DSCAM: variants seen among roughly 807,000 people sequenced by gnomAD.
DSCAM encodes the protein DS cell adhesion molecule.
Under a neutral mutation model 217.7 loss-of-function variants are expected in DSCAM, and 47 were observed. The observed-to-expected ratio is 0.22, with a 90% CI of 0.17 to 0.28. DSCAM has a LOEUF of 0.28. Among genes scored for constraint, DSCAM ranks in the 10% least tolerant of loss-of-function variants. The probability of loss-of-function intolerance (pLI) is 1.00; values close to 1 mark genes in which losing one functional copy is unlikely to be tolerated. For synonymous variants in DSCAM, 1,056 were observed against 1,015.3 expected, an observed-to-expected ratio of 1.04 and a Z score of -0.76; for missense variants, 2,080 against 2,618.3, an observed-to-expected ratio of 0.79 and a Z score of 4.49.
rs1196692110 is a variant in DSCAM at position 40,620,343 on chromosome 21, A to AAGAGAG, written c.508+72466_508+72467insCTCTCT. On this transcript the variant is annotated intron_variant, in intron 3 of 32. Transcript: ENST00000400454. ...GAGAGAGAAAAAAGAAAAAGAAAGAAAGAGAAAGAGAGAGAAAAAAGAAAA... is the reference window on the plus strand; with the variant it reads ...GAGAGAGAAAAAAGAAAAAGAAAGAAAGAGAGAGAGAAAGAGAGAGAAAAAAGAAAA... 5.9e-3 allele frequency among the ~76,000 whole-genome samples: 796 copies of AAGAGAG among 134,968 alleles called. 193 individuals are homozygous for AAGAGAG. The highest frequency in any genetic ancestry group is 8.1e-3 in the Non-Finnish European group (510 of 62,958). 88.5% of individuals were successfully genotyped at this position (134,968 alleles called of 152,430 possible). A position where few individuals can be genotyped will look rare whatever the true frequency, so the allele number is the denominator to read the frequency against.
At chr21:40,800,153 A>C (rs1259501359) in intron 1 of DSCAM, among the ~76,000 whole-genome samples, 1 of 152,238 alleles carries the variant, frequency 6.6e-6, no homozygotes, top group African/African-American at 2.4e-5. Context: ...GTCCCTCACT[A>C]GCAAAAGGAC....
intron 25 of DSCAM, 43 bp downstream of exon 25, chr21:40,080,109 G>A (rs773588153): frequency 7.9e-7 from 1 of 1,262,884 alleles, no homozygotes. Context: ...CTTCTGGCCG[G>A]GAAAAGAAAG....
At chr21:40,266,639 A>ATATATATATATATATATATT (rs1467774499) in intron 11 of DSCAM, among the ~76,000 whole-genome samples, 11 of 108,724 alleles carry the variant, frequency 1.0e-4, no homozygotes, top group African/African-American at 4.6e-4. Flanking sequence ...GATGTTTTAT[A>ATATATATATATATATATATT]TATATATATA....
At chr21:40,656,034 A>G (rs1298794140) in intron 3 of DSCAM, among the ~76,000 whole-genome samples, 4 of 152,104 alleles carry the variant, frequency 2.6e-5, no homozygotes, top group Non-Finnish European at 5.9e-5. Flanking sequence ...CTTGGGTGAC[A>G]GAGTGAGACA....
intron 8 of DSCAM, among the ~76,000 whole-genome samples, chr21:40,331,955 G>C (rs2074382151): frequency 1.3e-5 from 2 of 152,040 alleles, no homozygotes; most frequent in African/African-American, 4.8e-5. Flanking sequence ...AGCCAGAATG[G>C]TGATCCACAG....
chr21:40,355,766 G>A (rs956312427), intron 4 of DSCAM, among the ~76,000 whole-genome samples: 1 of 152,174 alleles, frequency 6.6e-6, no homozygotes, highest in Non-Finnish European at 1.5e-5. Flanking sequence ...CCAAGGAATG[G>A]ATATTCACTG....
intron 3 of DSCAM, among the ~76,000 whole-genome samples, chr21:40,604,498 T>C (rs541889142): frequency 2.0e-5 from 3 of 152,354 alleles, no homozygotes; most frequent in African/African-American, 4.8e-5. Flanking sequence ...CATTATTTGT[T>C]GAGAGTCAGA....
At chr21:40,541,413 A>G (rs1407829642) in intron 3 of DSCAM, among the ~76,000 whole-genome samples, 1 of 152,024 alleles carries the variant, frequency 6.6e-6, no homozygotes, top group Non-Finnish European at 1.5e-5. Context: ...ACGAGAATAA[A>G]CAGCAAAGCT....
intron 11 of DSCAM, among the ~76,000 whole-genome samples, chr21:40,269,959 T>G (rs887481097): frequency 4.6e-5 from 7 of 152,202 alleles, no homozygotes; most frequent in African/African-American, 1.7e-4. Context: ...AATTCAATTT[T>G]TAGCACAGAG....
chr21:40,697,257 T>G (rs1343940336), intron 2 of DSCAM, among the ~76,000 whole-genome samples: 1 of 152,242 alleles, frequency 6.6e-6, no homozygotes, highest in Non-Finnish European at 1.5e-5. Context: ...TTGCAAATAT[T>G]AATAGTCTCC....
intron 29 of DSCAM, among the ~76,000 whole-genome samples, chr21:40,055,066 T>C (rs967853016): frequency 5.9e-5 from 9 of 152,102 alleles, no homozygotes; most frequent in Admixed American, 4.6e-4. Context: ...TGTGGGGTAA[T>C]GGACTTCAGG....
chr21:40,397,124 G>A (rs2073875750), intron 3 of DSCAM, among the ~76,000 whole-genome samples: 1 of 152,132 alleles, frequency 6.6e-6, no homozygotes, highest in Admixed American at 6.5e-5. Flanking sequence ...ATTTGAGACT[G>A]ATCTTCTATC....
chr21:40,214,694 G>A (rs1318963648), intron 11 of DSCAM, among the ~76,000 whole-genome samples: 5 of 127,114 alleles, frequency 3.9e-5, no homozygotes, highest in African/African-American at 6.0e-5. Flanking sequence ...AAGGAGTAGC[G>A]ATTCTGATAT....
At chr21:40,633,053 C>A (rs1378859266) in intron 3 of DSCAM, among the ~76,000 whole-genome samples, 2 of 152,130 alleles carry the variant, frequency 1.3e-5, no homozygotes, top group East Asian at 3.8e-4. Flanking sequence ...TTTCTACATC[C>A]GTTGTTCCAT....
chr21:40,462,902 A>T (rs149415864), intron 3 of DSCAM, among the ~76,000 whole-genome samples: 1,742 of 152,286 alleles, frequency 0.011, 12 homozygotes, highest in South Asian at 0.027. Context: ...CATTTCTGAA[A>T]AGTCAACTGA....
At chr21:40,228,411 A>T (rs1328682512) in intron 11 of DSCAM, among the ~76,000 whole-genome samples, 1 of 152,144 alleles carries the variant, frequency 6.6e-6, no homozygotes, top group African/African-American at 2.4e-5. Flanking sequence ...TCAATCATTT[A>T]TATCAGTGTG....
intron 3 of DSCAM, among the ~76,000 whole-genome samples, chr21:40,432,907 T>C (rs1473719936): frequency 6.6e-6 from 1 of 152,126 alleles, no homozygotes; most frequent in Non-Finnish European, 1.5e-5. Flanking sequence ...TGAAACCTAC[T>C]CTCTTAACCA....
chr21:40,448,176 T>C (rs1287569708), intron 3 of DSCAM, among the ~76,000 whole-genome samples: 4 of 152,190 alleles, frequency 2.6e-5, no homozygotes, highest in Non-Finnish European at 5.9e-5. Flanking sequence ...TCTGGATGTG[T>C]CTGTGAAGCG....
intron 3 of DSCAM, among the ~76,000 whole-genome samples, chr21:40,585,631 C>T (rs941693180): frequency 3.3e-5 from 5 of 152,050 alleles, no homozygotes; most frequent in South Asian, 2.1e-4. Context: ...GAGGGTGTTA[C>T]GGTTTGGATA....
Sources: gnomAD v4.1 joint callset for allele counts (sites outside exome capture counted in the v4.1 genomes callset) on GRCh38, gnomAD v4.1.1 for gene constraint, MANE v1.5 for transcripts, NCBI Gene and HGNC (gene_info 2026-07-23, HGNC 2026-07-21) for gene names.